The following ZNF420 variants were observed in gnomAD, a reference collection of about 807,000 sequenced individuals.
The protein encoded by ZNF420 is ATM and p53-associated KZNF protein.
ZNF420 carries 31 observed loss-of-function variants against 44.7 expected under a neutral mutation model. The observed-to-expected ratio is 0.69, with a 90% CI of 0.52 to 0.94. The LOEUF (loss-of-function observed/expected upper bound fraction) is 0.94. Ranked by LOEUF, ZNF420 falls within the 40% of genes least tolerant of loss-of-function variation. The pLI is 0.00. For synonymous variants in ZNF420, 245 were observed against 267.4 expected (o/e 0.92, Z 0.82); for missense variants, 681 against 827.9 (o/e 0.82, Z 2.18).
chr19:37,029,383 A>G (rs1599603469), intron 1 of ZNF420, among the ~76,000 whole-genome samples: 1 of 152,182 alleles, frequency 6.6e-6, no homozygotes, highest in East Asian at 1.9e-4. Context: ...ATTATTGCAC[A>G]TTTACATTTA....
chr19:37,108,831 TGTG>T (rs1970234014), intron 4 of ZNF420, among the ~76,000 whole-genome samples: 1 of 152,218 alleles, frequency 6.6e-6, no homozygotes, highest in Non-Finnish European at 1.5e-5. Context: ...CCTGTGCAAT[TGTG>T]GTAGAATTGA....
At chr19:37,116,037 G>GGGTTACA (rs1970663188) in intron 4 of ZNF420, among the ~76,000 whole-genome samples, 1 of 152,256 alleles carries the variant, frequency 6.6e-6, no homozygotes, top group African/African-American at 2.4e-5. Context: ...GTTGGGGGTA[G>GGGTTACA]GGTTACAGAT....
chr19:37,117,988 T>G (rs1212962377), intron 4 of ZNF420, among the ~76,000 whole-genome samples: 2 of 152,180 alleles, frequency 1.3e-5, no homozygotes, highest in Admixed American at 6.5e-5. Context: ...AGACCAAATC[T>G]ATGTCTGATT....
intron 1 of ZNF420, among the ~76,000 whole-genome samples, chr19:37,020,231 A>G (rs1276181804): frequency 7.7e-6 from 1 of 130,114 alleles, no homozygotes; most frequent in Non-Finnish European, 1.7e-5. Flanking sequence ...AAAAAAAAAA[A>G]AAAAAAAGTT....
At chr19:37,076,896 T>C (rs1301102731), upstream of ZNF420, among the ~76,000 whole-genome samples, 2 of 152,154 alleles carry the variant, frequency 1.3e-5, no homozygotes, top group Non-Finnish European at 2.9e-5. Flanking sequence ...CTCAGTGCAA[T>C]TTAATTATCT....
At chr19:37,011,133 C>T (rs2074565985) in intron 1 of ZNF420, among the ~76,000 whole-genome samples, 1 of 152,170 alleles carries the variant, frequency 6.6e-6, no homozygotes, top group African/African-American at 2.4e-5. Context: ...TTCTGAGGGG[C>T]CTAGATGCTT....
chr19:37,022,294 G>A (rs981373453), intron 1 of ZNF420, among the ~76,000 whole-genome samples: 4 of 151,704 alleles, frequency 2.6e-5, no homozygotes, highest in Non-Finnish European at 5.9e-5. Context: ...TAATAAAAGT[G>A]TAAAAATTGC....
chr19:37,037,816 A>G (rs1967386098), intron 1 of ZNF420, among the ~76,000 whole-genome samples: 1 of 152,218 alleles, frequency 6.6e-6, no homozygotes, highest in African/African-American at 2.4e-5. Flanking sequence ...ATTTATATGC[A>G]CAGGAAAGCA....
intron 1 of ZNF420, among the ~76,000 whole-genome samples, chr19:37,018,975 G>A (rs1032624394): frequency 1.3e-5 from 2 of 152,018 alleles, no homozygotes; most frequent in African/African-American, 4.8e-5. Flanking sequence ...ATTTTTTTTG[G>A]AGGATACCAA....
chr19:37,110,183 T>C lies in ZNF420; in HGVS notation c.137-16945T>C, dbSNP rs573324330. Among the ~76,000 whole-genome samples, 27 of 152,352 alleles carry C rather than the reference T, an allele frequency of 1.8e-4. 1 individual carries two copies. The South Asian group carries it at 4.8e-3, about 27-fold the overall frequency. On this transcript the variant is annotated intron_variant, in intron 4 of 4. Transcript: ENST00000337995. ...TCTGGCAGGTTGTCCATATGAAATG[T>C]GAGTAAGTATCAACTGTTACATGAA...
At chr19:37,056,690 G>T (rs907763415) in intron 1 of ZNF420, among the ~76,000 whole-genome samples, 4 of 152,174 alleles carry the variant, frequency 2.6e-5, no homozygotes, top group Admixed American at 2.6e-4. Context: ...AACAGATAAG[G>T]TGAACCCATC....
At chr19:37,088,568 A>G (rs925909343) in intron 2 of ZNF420, among the ~76,000 whole-genome samples, 2 of 152,218 alleles carry the variant, frequency 1.3e-5, no homozygotes, top group African/African-American at 2.4e-5. Flanking sequence ...TTTATTCTAT[A>G]CGTACACATG....
chr19:37,014,646 AGC>A (rs902646330), intron 1 of ZNF420, among the ~76,000 whole-genome samples: 1 of 152,126 alleles, frequency 6.6e-6, no homozygotes, highest in African/African-American at 2.4e-5. Flanking sequence ...CTGACATTGC[AGC>A]GCGCGCGAGC....
At chr19:37,093,206 ACC>A in intron 4 of ZNF420, 1 of 152,020 alleles carries the variant, frequency 6.6e-6, no homozygotes, top group East Asian at 1.9e-4. Context: ...CTTTTAAACA[ACC>A]ACATCTCGCG....
Position 37,102,970 on chromosome 19 carries a change from C to T in ZNF420, c.136+11849C>T, listed in dbSNP as rs150738180. On this transcript the variant is annotated intron_variant, in intron 4 of 4. Transcript: ENST00000337995. ...TTGCTAATTATTTCTGCTGTTTCTA[C>T]GTTTCTAATTTACTCATTTTCTGAT... Among the ~76,000 whole-genome samples the T allele has an allele frequency of 6.6e-3, 948 of 144,306 alleles. 28 individuals are homozygous for T. Among genetic ancestry groups the T allele is most frequent in the East Asian group, 0.05 (258 of 5,142 alleles). 94.7% of individuals were successfully genotyped at this position (144,306 alleles called of 152,430 possible).
chr19:37,129,760 A>AC lies in ZNF420; in HGVS notation c.*705dup, dbSNP rs201499777. On this transcript the variant is annotated 3_prime_UTR_variant, in exon 5 of 5. Coordinates refer to ENST00000337995, the MANE Select transcript of ZNF420 (RefSeq NM_144689.5). ...TCAGTGTATTATTAAAAAAAAAAAA[A>AC]CCCAGTGGATGTAATCAGTGTATTA... is the stretch of plus-strand genomic sequence containing the variant. 1.5e-3 allele frequency: 295 copies of AC among 202,312 alleles called. 7 individuals carry two copies. The East Asian group carries it at 0.027, about 19-fold the overall frequency. The allele number at this position is 202,312 out of a possible 1,614,324, so 12.5% of individuals were successfully genotyped here. A position where few individuals can be genotyped will look rare whatever the true frequency, so the allele number is the denominator to read the frequency against.
At chr19:37,009,279 G>A (rs944348099) in intron 1 of ZNF420, among the ~76,000 whole-genome samples, 4 of 152,164 alleles carry the variant, frequency 2.6e-5, no homozygotes, top group African/African-American at 9.7e-5. Flanking sequence ...AGGGATGGAG[G>A]TGGAGTGATC....
intron 1 of ZNF420, among the ~76,000 whole-genome samples, chr19:37,056,363 C>T (rs1967754250): frequency 1.3e-5 from 2 of 152,154 alleles, no homozygotes; most frequent in Non-Finnish European, 2.9e-5. Flanking sequence ...AGGCACATGC[C>T]TGGACACCTT....
At chr19:37,009,032 C>T (rs1275949998) in intron 1 of ZNF420, among the ~76,000 whole-genome samples, 1 of 152,190 alleles carries the variant, frequency 6.6e-6, no homozygotes, top group Non-Finnish European at 1.5e-5. Context: ...CTGATGGCTG[C>T]GTAGTTTCCC....
Sources: gnomAD v4.1 joint callset for allele counts (sites outside exome capture counted in the v4.1 genomes callset) on GRCh38, gnomAD v4.1.1 for gene constraint, MANE v1.5 for transcripts, NCBI Gene and HGNC (gene_info 2026-07-23, HGNC 2026-07-21) for gene names.